ABCC11: variants seen among roughly 807,000 people sequenced by gnomAD.
The protein encoded by ABCC11 is ATP binding cassette subfamily C member 11, also known as ATP-binding cassette sub-family C member 11.
A neutral mutation model predicts 149.3 loss-of-function variants in ABCC11; 135 were observed. The ratio of observed to expected loss-of-function variants is 0.90; its 90% CI spans 0.79 to 1.04. ABCC11 has a LOEUF of 1.04. ABCC11 is among the 50% of genes least tolerant of loss of function. The probability of loss-of-function intolerance (pLI) is 0.00; values close to 1 mark genes in which losing one functional copy is unlikely to be tolerated. For synonymous variants in ABCC11, 665 were observed against 671.4 expected (o/e 0.99, Z 0.15); for missense variants, 1,680 against 1,722.1 (o/e 0.98, Z 0.43).
At chr16:48,244,293 T>C (rs1175000306) in intron 1 of ABCC11, 1 of 860,502 alleles carries the variant, frequency 1.2e-6, no homozygotes, top group East Asian at 3.3e-5. Context: ...AGCGGAGGCG[T>C]GGAGGCGGGT....
At chr16:48,232,555 A>T (rs28570577) in intron 1 of ABCC11, among the ~76,000 whole-genome samples, 17,906 of 148,756 alleles carry the variant, frequency 0.12, 1,237 homozygotes, top group African/African-American at 0.2. Context: ...TTCTTTTTTT[A>T]AAAAAAAAAT....
rs563499488 is a variant in ABCC11, at chr16:48,198,855, G to A, written c.2083-580C>T. On this transcript the variant is annotated intron_variant, in intron 15 of 29. Transcript: ENST00000356608. ...AGTTCAAGACCAGCCTGGCCAACAC[G>A]GTGAAACCTCGTCTGTACTACAAAT... is the stretch of plus-strand genomic sequence containing the variant. Among the ~76,000 whole-genome samples the A allele has an allele frequency of 2.0e-5, 3 of 152,120 alleles. No homozygotes were observed. The East Asian group carries it at 5.8e-4, about 29-fold the overall frequency.
chr16:48,179,117 C>G (rs1966271223), intron 23 of ABCC11, among the ~76,000 whole-genome samples: 1 of 152,172 alleles, frequency 6.6e-6, no homozygotes, highest in Non-Finnish European at 1.5e-5. Context: ...CTGGAAATAC[C>G]CCATATGCTT....
chr16:48,245,655 C>A (rs1212909354), intron 1 of ABCC11, among the ~76,000 whole-genome samples: 1 of 152,062 alleles, frequency 6.6e-6, no homozygotes, highest in Non-Finnish European at 1.5e-5. Flanking sequence ...TGTAAGTGTA[C>A]AATACACGCC....
chr16:48,234,370 T>C (rs1170066534), intron 1 of ABCC11, among the ~76,000 whole-genome samples: 1 of 152,102 alleles, frequency 6.6e-6, no homozygotes, highest in Non-Finnish European at 1.5e-5. Flanking sequence ...TAAGTTTATA[T>C]AATTTTTTTT....
intron 26 of ABCC11, among the ~76,000 whole-genome samples, chr16:48,173,813 CAG>C (rs139360082): frequency 0.087 from 13,262 of 152,076 alleles, 655 homozygotes; most frequent in African/African-American, 0.13. Context: ...TTAGCAGAGA[CAG>C]GGTTTTGTCA....
At chr16:48,230,653 T>A in intron 2 of ABCC11, 80 bp from the exon 3 acceptor site, 1 of 1,369,714 alleles carries the variant, frequency 7.3e-7, no homozygotes, top group Non-Finnish European at 9.6e-7. Flanking sequence ...CAGCTGCCCA[T>A]GGAGAAATGG....
At chr16:48,204,438 G>T (rs1298386730) in intron 13 of ABCC11, among the ~76,000 whole-genome samples, 2 of 152,144 alleles carry the variant, frequency 1.3e-5, no homozygotes, top group Non-Finnish European at 2.9e-5. Context: ...AAATACAAGA[G>T]ATATGTAGGA....
intron 10 of ABCC11, 146 bp downstream of exon 10, chr16:48,213,297 C>T (rs1345600912): frequency 7.8e-6 from 5 of 640,470 alleles, no homozygotes; most frequent in Admixed American, 6.4e-5. Context: ...TCCACACCAG[C>T]CTTGGAACAG....
intron 24 of ABCC11, 110 bp downstream of exon 24, chr16:48,178,487 G>A: frequency 2.0e-6 from 2 of 1,017,480 alleles, no homozygotes; most frequent in South Asian, 3.0e-5. Context: ...GGAGCCTGGT[G>A]TTTCCTGGGA....
chr16:48,240,658 G>A (rs1046126507), intron 1 of ABCC11, among the ~76,000 whole-genome samples: 3 of 151,916 alleles, frequency 2.0e-5, no homozygotes, highest in Non-Finnish European at 2.9e-5. Context: ...CTGCACATCT[G>A]CACATGTACC....
At chr16:48,187,545 C>A (rs1446205748) in intron 20 of ABCC11, 118 bp from the exon 21 acceptor site, 2 of 819,848 alleles carry the variant, frequency 2.4e-6, no homozygotes, top group Non-Finnish European at 1.9e-6. Flanking sequence ...GTCTCCAGGG[C>A]AGGCAATGTA....
chr16:48,187,496 C>T (rs1966819054), intron 20 of ABCC11, 69 bp from the exon 21 acceptor site: 4 of 1,349,994 alleles, frequency 3.0e-6, no homozygotes, highest in Admixed American at 2.0e-5. Context: ...GATGAAGATG[C>T]CTGTTACCCT....
intron 12 of ABCC11, 78 bp downstream of exon 12, chr16:48,208,347 G>A: frequency 6.4e-7 from 1 of 1,559,982 alleles, no homozygotes; most frequent in Non-Finnish European, 8.8e-7. Flanking sequence ...GCAGTGGGGG[G>A]CCCCGCCTGG....
intron 11 of ABCC11, 187 bp downstream of exon 11, chr16:48,210,761 T>A (rs1255374703): frequency 3.5e-6 from 3 of 865,676 alleles, no homozygotes; most frequent in Non-Finnish European, 5.1e-6. Context: ...AAATGATAGA[T>A]TAATTCACAT....
At chr16:48,222,937 G>T in intron 5 of ABCC11, 106 bp from the exon 6 acceptor site, 1 of 972,634 alleles carries the variant, frequency 1.0e-6, no homozygotes, top group Non-Finnish European at 1.5e-6. Flanking sequence ...CTGGGGGTTT[G>T]TTGAAGGATC....
At chr16:48,185,159 C>G (rs1186635808) in intron 22 of ABCC11, among the ~76,000 whole-genome samples, 1 of 152,146 alleles carries the variant, frequency 6.6e-6, no homozygotes, top group Admixed American at 6.5e-5. Context: ...TAAGCAAGTC[C>G]TCCTCCCCAG....
intron 25 of ABCC11, among the ~76,000 whole-genome samples, chr16:48,176,205 T>A (rs1966061058): frequency 6.6e-6 from 1 of 152,074 alleles, no homozygotes; most frequent in Non-Finnish European, 1.5e-5. Context: ...GCAGGAGTGC[T>A]GAGGAGACAG....
chr16:48,170,178 TCCA>T lies in ABCC11; in HGVS notation c.3815_3817del (p.Val1272del), dbSNP rs781455341. ...CCCCACAGAGAAGTTTCCACCGTTT[TCCA>T]CCACATCTGTATGCAGCTTTTTGGG... On this transcript the variant is annotated inframe_deletion, in exon 28 of 30. Coordinates refer to ENST00000356608, the MANE Select transcript of ABCC11 (RefSeq NM_001370497.1). 1.2e-6 allele frequency: 2 copies of T among 1,614,164 alleles called. No individual in the cohort carries two copies. Among genetic ancestry groups the T allele is most frequent in the African/African-American group, 2.7e-5 (2 of 75,052 alleles).
Sources: allele counts gnomAD v4.1 joint callset (sites outside exome capture counted in the v4.1 genomes callset), GRCh38; gene constraint gnomAD v4.1.1; transcripts MANE v1.5; gene names NCBI Gene and HGNC (gene_info 2026-07-23, HGNC 2026-07-21).